ZNF428: variants seen among roughly 807,000 people sequenced by gnomAD.
ZNF428 encodes enzyme-like protein PIT13.
ZNF428 carries 5 observed loss-of-function variants against 15.6 expected under a neutral mutation model. That is an observed-to-expected ratio of 0.32 (90% CI 0.17 to 0.67). The LOEUF is 0.67. Ranked by LOEUF, ZNF428 falls within the 30% of genes least tolerant of loss-of-function variation. The probability of loss-of-function intolerance (pLI) is 0.73; values close to 1 mark genes in which losing one functional copy is unlikely to be tolerated. For missense variants in ZNF428, 237 were observed against 256.0 expected (o/e 0.93, Z 0.51); for synonymous variants, 97 against 102.2 (o/e 0.95, Z 0.31).
intron 2 of ZNF428, among the ~76,000 whole-genome samples, chr19:43,609,044 G>A (rs929075477): frequency 2.6e-5 from 4 of 152,082 alleles, no homozygotes; most frequent in Admixed American, 6.5e-5. Context: ...GGACAAAGCC[G>A]GAGTAGTAAA....
At chr19:43,617,489 G>A (rs996157900) in intron 1 of ZNF428, among the ~76,000 whole-genome samples, 1 of 152,150 alleles carries the variant, frequency 6.6e-6, no homozygotes, top group African/African-American at 2.4e-5. Context: ...GGTGGCTGGG[G>A]CAAAGGACCA....
Position 43,608,095 on chromosome 19 carries a change from G to C in ZNF428, c.89C>G (p.Ser30Cys). 1 of 1,612,748 alleles carries C rather than the reference G, an allele frequency of 6.2e-7. No individual in the cohort carries two copies. Among genetic ancestry groups the C allele is most frequent in the Non-Finnish European group, 8.5e-7 (1 of 1,179,230 alleles). ...TGAGAGAGTGTATTCTGAATCAGAG[G>C]AATGCTCGGGGCCTGGAGGGGGACA... ...DEDLSPGPEHSSDSEYTLSEP... is the reference protein window; with the variant it reads ...DEDLSPGPEHCSDSEYTLSEP... The change falls in exon 3 of 3, where the codon TCC becomes TGC. Residue 30 changes from serine to cysteine, a missense_variant. By Grantham distance (112) the Ser-to-Cys change is moderately radical (BLOSUM62 -1). Coordinates refer to ENST00000300811, the MANE Select transcript of ZNF428 (RefSeq NM_182498.4).
intron 2 of ZNF428, chr19:43,613,164 G>A (rs1973322883): frequency 1.9e-6 from 3 of 1,551,560 alleles, no homozygotes; most frequent in Non-Finnish European, 2.6e-6. Context: ...AGAACCCCCA[G>A]AAGAGGAAGA....
intron 2 of ZNF428, chr19:43,613,636 G>A: frequency 6.5e-7 from 1 of 1,548,672 alleles, no homozygotes; most frequent in Middle Eastern, 1.7e-4. Context: ...GCCCCAGCAA[G>A]GAGAGACAGT....
rs1381775176 is a variant in ZNF428 at position 43,607,433 on chromosome 19, ACACT to A, written c.*180_*183del. On this transcript the variant is annotated 3_prime_UTR_variant, in exon 3 of 3. Transcript: ENST00000300811. The surrounding 1 kb of genome is among the most constrained non-coding windows in gnomAD (Gnocchi z 5.1). ...GGCGGGAATACACACACACACACAC[ACACT>A]CTGAACCAACACACACAGATACAGA... The A allele has an allele frequency of 1.6e-5, 11 of 698,814 alleles. No homozygotes were observed. Among genetic ancestry groups the A allele is most frequent in the South Asian group, 6.3e-5 (3 of 47,862 alleles). 43.3% of individuals were successfully genotyped at this position (698,814 alleles called of 1,614,324 possible).
At chr19:43,614,201 G>A (rs2302421) in intron 2 of ZNF428, 28 bp downstream of exon 2, 246,514 of 1,613,972 alleles carry the variant, frequency 0.15, 19,792 homozygotes, top group East Asian at 0.24. Flanking sequence ...CAGTCAAGCC[G>A]ACGCCACCAC....
chr19:43,613,307 A>G, intron 2 of ZNF428: 1 of 1,551,562 alleles, frequency 6.4e-7, no homozygotes, highest in Non-Finnish European at 8.7e-7. Flanking sequence ...AGGAAGCCCC[A>G]ACAAGCAGAG....
intron 2 of ZNF428, chr19:43,613,938 G>A: frequency 6.4e-7 from 1 of 1,551,670 alleles, no homozygotes; most frequent in African/African-American, 1.4e-5. Context: ...AGTGGTTACA[G>A]TCGACCTAGA....
rs1254357843 is a variant in ZNF428 at position 43,612,966 on chromosome 19, G to A, written c.76+1263C>T. 1 of 1,551,704 alleles carries A rather than the reference G, an allele frequency of 6.4e-7. No homozygotes were observed. The highest frequency in any genetic ancestry group is 8.7e-7 in the Non-Finnish European group (1 of 1,146,984). On this transcript the variant is annotated intron_variant, in intron 2 of 2. Coordinates refer to ENST00000300811, the MANE Select transcript of ZNF428 (RefSeq NM_182498.4). This position sits in a 1 kb window ranked among gnomAD's most constrained non-coding sequence, Gnocchi z 4.2. ...ACCCGCAGCAGGCCGCAAAGTCACA[G>A]CCAATCTAGAAGCCCCAGAAGGTCA...
intron 1 of ZNF428, 148 bp from the exon 2 acceptor site, chr19:43,614,582 C>G (rs1973353627): frequency 5.3e-6 from 3 of 562,992 alleles, no homozygotes; most frequent in Non-Finnish European, 8.1e-6. Flanking sequence ...GTCTTGACTG[C>G]AAGCCCTGCC....
chr19:43,610,649 A>G (rs1600085669), intron 2 of ZNF428, among the ~76,000 whole-genome samples: 1 of 152,078 alleles, frequency 6.6e-6, no homozygotes, highest in Non-Finnish European at 1.5e-5. Flanking sequence ...TACTTATGAC[A>G]TATTTATGGC....
rs1397238413 is a variant in ZNF428 at position 43,612,811 on chromosome 19, G to A, written c.76+1418C>T. 1 of 1,551,456 alleles carries A rather than the reference G, an allele frequency of 6.4e-7. No individual in the cohort carries two copies. The highest frequency in any genetic ancestry group is 1.4e-5 in the African/African-American group (1 of 73,026). On this transcript the variant is annotated intron_variant, in intron 2 of 2. Coordinates refer to ENST00000300811, the MANE Select transcript of ZNF428 (RefSeq NM_182498.4). The surrounding 1 kb of genome is among the most constrained non-coding windows in gnomAD (Gnocchi z 4.2). ...CGACTGGAATTCCCTCCAAGGAGAA[G>A]AGTGACAACCCATCTCCATCCTCAT... is the stretch of plus-strand genomic sequence containing the variant.
At chr19:43,619,372 G>A (rs867656827) in intron 1 of ZNF428, among the ~76,000 whole-genome samples, 186 bp downstream of exon 1, 22 of 152,386 alleles carry the variant, frequency 1.4e-4, no homozygotes, top group African/African-American at 4.8e-4. Context: ...TCAAGGCGGA[G>A]CGCTCGGTTC....
At chr19:43,613,252 C>A in intron 2 of ZNF428, 1 of 1,551,642 alleles carries the variant, frequency 6.4e-7, no homozygotes, top group East Asian at 2.4e-5. Context: ...AGAGAGATCA[C>A]AGGGGATCTA....
In ZNF428 at chr19:43,612,588, G is replaced by A. The variant is rs758750677; in HGVS notation, c.76+1641C>T. 1.9e-6 allele frequency: 3 copies of A among 1,551,638 alleles called. No individual in the cohort carries two copies. Among genetic ancestry groups the A allele is most frequent in the South Asian group, 1.2e-5 (1 of 84,056 alleles). On this transcript the variant is annotated intron_variant, in intron 2 of 2. Coordinates refer to ENST00000300811, the MANE Select transcript of ZNF428 (RefSeq NM_182498.4). This position sits in a 1 kb window ranked among gnomAD's most constrained non-coding sequence, Gnocchi z 4.2. ...CATGGTGCCAGACCAGGCATGGCCAGCAGGGTGAGAACTCCCACTTCACAG... is the reference window on the plus strand; with the variant it reads ...CATGGTGCCAGACCAGGCATGGCCAACAGGGTGAGAACTCCCACTTCACAG...
intron 1 of ZNF428, 129 bp from the exon 2 acceptor site, chr19:43,614,563 G>A: frequency 2.6e-6 from 2 of 769,332 alleles, no homozygotes; most frequent in Non-Finnish European, 3.7e-6. Flanking sequence ...GTCCCTGACT[G>A]TCTACAGGGT....
intron 2 of ZNF428, chr19:43,613,768 A>T (rs1276239295): frequency 6.4e-7 from 1 of 1,551,458 alleles, no homozygotes; most frequent in African/African-American, 1.4e-5. Flanking sequence ...GCCAATCTAG[A>T]AGCCCCAGCG....
At chr19:43,618,566 CTTTTTTTTTT>C (rs551668437) in intron 1 of ZNF428, among the ~76,000 whole-genome samples, 11 of 98,352 alleles carry the variant, frequency 1.1e-4, no homozygotes, top group Non-Finnish European at 5.8e-5. Context: ...TTAATTTTTA[CTTTTTTTTTT>C]TTTTTTTTTT....
Position 43,615,696 on chromosome 19 carries a change from C to CA in ZNF428, c.-130-1263dup, listed in dbSNP as rs1266014353. Among the ~76,000 whole-genome samples, 29 of 149,934 alleles carry CA rather than the reference C, an allele frequency of 1.9e-4. 1 individual carries two copies. The East Asian group carries it at 4.9e-3, about 25-fold the overall frequency. ...ACTCAAGCCTGGATGACCCATCTTACAAAAAAAAAATTTTTGCTGGAGCTG... is the reference window on the plus strand; with the variant it reads ...ACTCAAGCCTGGATGACCCATCTTACAAAAAAAAAAATTTTTGCTGGAGCTG... On this transcript the variant is annotated intron_variant, in intron 1 of 2. Coordinates refer to ENST00000300811, the MANE Select transcript of ZNF428 (RefSeq NM_182498.4).
Sources: gnomAD v4.1 joint callset for allele counts (sites outside exome capture counted in the v4.1 genomes callset) on GRCh38, gnomAD v4.1.1 for gene constraint, Gnocchi (gnomAD v3.1) non-coding constraint, MANE v1.5 for transcripts, NCBI Gene and HGNC (gene_info 2026-07-23, HGNC 2026-07-21) for gene names.